SUGCT: variants seen among roughly 807,000 people sequenced by gnomAD.
SUGCT encodes succinyl-CoA:glutarate-CoA transferase, also known as succinyl-CoA:glutarate CoA-transferase.
In SUGCT, 41 loss-of-function variants were observed where a neutral mutation model predicts 55.0. That is an observed-to-expected ratio of 0.74 (90% confidence interval 0.58 to 0.97). The LOEUF (loss-of-function observed/expected upper bound fraction) is 0.97, where lower values mean the gene tolerates loss of function less well. Ranked by LOEUF, SUGCT falls within the 50% of genes least tolerant of loss-of-function variation. SUGCT has a pLI of 0.00. For synonymous variants in SUGCT, 187 were observed against 200.4 expected (o/e 0.93, Z 0.56); for missense variants, 568 against 547.8 (o/e 1.04, Z -0.37).
At chr7:40,699,691 A>C (rs1785093845) in intron 12 of SUGCT, among the ~76,000 whole-genome samples, 1 of 152,078 alleles carries the variant, frequency 6.6e-6, no homozygotes, top group African/African-American at 2.4e-5. Flanking sequence ...CAATACGGTG[A>C]AACCTCATCT....
chr7:40,978,461 A>T, the SUGCT span, among the ~76,000 whole-genome samples: 5 of 152,168 alleles, frequency 3.3e-5, no homozygotes, highest in Non-Finnish European at 7.3e-5. Context: ...GATGCTGGGG[A>T]TATTGAGGGC....
At chr7:40,174,586 T>C (rs1247051820) in intron 1 of SUGCT, among the ~76,000 whole-genome samples, 1 of 152,184 alleles carries the variant, frequency 6.6e-6, no homozygotes, top group Non-Finnish European at 1.5e-5. Context: ...TACAGTGAAC[T>C]ATGTATGTTC....
chr7:40,373,123 A>G (rs1784367520), intron 9 of SUGCT, among the ~76,000 whole-genome samples: 1 of 151,926 alleles, frequency 6.6e-6, no homozygotes, highest in Non-Finnish European at 1.5e-5. Context: ...CAGAAGAAGT[A>G]ACACTATCGT....
chr7:40,550,169 G>A (rs1288009911), intron 12 of SUGCT, among the ~76,000 whole-genome samples: 1 of 152,114 alleles, frequency 6.6e-6, no homozygotes, highest in Non-Finnish European at 1.5e-5. Context: ...ATCTATGCTG[G>A]TGGCTCTACT....
At chr7:40,375,538 C>G (rs1423925932) in intron 9 of SUGCT, among the ~76,000 whole-genome samples, 6 of 152,158 alleles carry the variant, frequency 3.9e-5, no homozygotes, top group Admixed American at 3.9e-4. Context: ...ATGGAATGTT[C>G]TTCCCCAACT....
At chr7:40,864,690 T>C (rs1794549548), downstream of SUGCT, among the ~76,000 whole-genome samples, 1 of 151,970 alleles carries the variant, frequency 6.6e-6, no homozygotes, top group Admixed American at 6.5e-5. Flanking sequence ...TTTGGAGGAA[T>C]GGGAACTGGA....
At chr7:40,835,141 GTT>G (rs1017113017) in intron 13 of SUGCT, among the ~76,000 whole-genome samples, 1 of 152,204 alleles carries the variant, frequency 6.6e-6, no homozygotes, top group East Asian at 1.9e-4. Context: ...CTGAATTTTA[GTT>G]TTATTTAAGT....
At chr7:40,715,410 A>G (rs1216688131) in intron 12 of SUGCT, among the ~76,000 whole-genome samples, 1 of 152,130 alleles carries the variant, frequency 6.6e-6, no homozygotes, top group East Asian at 1.9e-4. Flanking sequence ...CCCTCCCTTC[A>G]GGAACCCAGT....
chr7:40,856,907 C>T (rs1011854820), intron 13 of SUGCT, among the ~76,000 whole-genome samples: 2 of 152,064 alleles, frequency 1.3e-5, no homozygotes, highest in African/African-American at 2.4e-5. Flanking sequence ...ATTTTATAAG[C>T]GAAATTTTAT....
chr7:40,949,588 G>A, the SUGCT span, among the ~76,000 whole-genome samples: 9 of 152,164 alleles, frequency 5.9e-5, no homozygotes, highest in Non-Finnish European at 1.3e-4. Context: ...TATGTTTTAG[G>A]TCTACCATTT....
At chr7:40,629,888 G>C (rs889728894) in intron 12 of SUGCT, among the ~76,000 whole-genome samples, 1 of 152,150 alleles carries the variant, frequency 6.6e-6, no homozygotes, top group Non-Finnish European at 1.5e-5. Flanking sequence ...CTCATTTTGT[G>C]ACCTGCAGAG....
At position 40,396,197 on chromosome 7, in the gene SUGCT, T is replaced by C. The variant is rs190654814; in HGVS notation, c.817-53090T>C. ...AATAAGATGACTTCTGTTAGATAAA[T>C]TGGAAGAAAGTGGAATTTGAAATGC... On this transcript the variant is annotated intron_variant, in intron 9 of 13. Coordinates refer to ENST00000335693, the MANE Select transcript of SUGCT (RefSeq NM_001193313.2). Among the ~76,000 whole-genome samples the C allele has an allele frequency of 2.3e-3, 349 of 152,284 alleles. 4 individuals carry two copies. Among genetic ancestry groups the C allele is most frequent in the African/African-American group, 7.9e-3 (330 of 41,556 alleles).
At chr7:40,632,032 G>A (rs957296621) in intron 12 of SUGCT, among the ~76,000 whole-genome samples, 3 of 152,100 alleles carry the variant, frequency 2.0e-5, no homozygotes, top group African/African-American at 7.2e-5. Flanking sequence ...TCTTCTCCTG[G>A]AATGCTAGCG....
chr7:40,163,255 A>C (rs1643003300), intron 1 of SUGCT, among the ~76,000 whole-genome samples: 1 of 152,200 alleles, frequency 6.6e-6, no homozygotes, highest in Non-Finnish European at 1.5e-5. Flanking sequence ...ACCATGATTC[A>C]AAAGTTCTTT....
chr7:40,171,037 A>G (rs1784646023), intron 1 of SUGCT, among the ~76,000 whole-genome samples: 1 of 152,196 alleles, frequency 6.6e-6, no homozygotes, highest in Admixed American at 6.5e-5. Flanking sequence ...TTCTTATGCA[A>G]ATTTATTTCA....
At chr7:40,261,740 A>G (rs1791235567) in intron 7 of SUGCT, among the ~76,000 whole-genome samples, 1 of 152,238 alleles carries the variant, frequency 6.6e-6, no homozygotes, top group African/African-American at 2.4e-5. Flanking sequence ...TGCCTATTAA[A>G]TGCAAGATTG....
At chr7:40,320,858 G>A (rs1295546135) in intron 9 of SUGCT, among the ~76,000 whole-genome samples, 1 of 152,168 alleles carries the variant, frequency 6.6e-6, no homozygotes, top group Non-Finnish European at 1.5e-5. Flanking sequence ...ATGTAGTGGT[G>A]AAGCCTGGGC....
intron 12 of SUGCT, among the ~76,000 whole-genome samples, chr7:40,616,375 T>C (rs919712469): frequency 6.6e-6 from 1 of 152,158 alleles, no homozygotes; most frequent in Admixed American, 6.5e-5. Flanking sequence ...TTTGTGTTTT[T>C]AGTAGAGACG....
chr7:40,607,826 G>T (rs1473532682), intron 12 of SUGCT, among the ~76,000 whole-genome samples: 1 of 152,200 alleles, frequency 6.6e-6, no homozygotes, highest in Non-Finnish European at 1.5e-5. Flanking sequence ...ACCCAGAGAG[G>T]TGAAGTGCTT....
Sources: gnomAD v4.1 joint callset for allele counts (sites outside exome capture counted in the v4.1 genomes callset) on GRCh38, gnomAD v4.1.1 for gene constraint, MANE v1.5 for transcripts, NCBI Gene and HGNC (gene_info 2026-07-23, HGNC 2026-07-21) for gene names.